IPMK: variants seen among roughly 807,000 people sequenced by gnomAD.
IPMK encodes the protein inositol polyphosphate multikinase, also known as inositol 1,3,4,6-tetrakisphosphate 5-kinase.
IPMK carries 17 observed loss-of-function variants against 45.8 expected under a neutral mutation model. The ratio of observed to expected loss-of-function variants is 0.37; its 90% CI spans 0.25 to 0.56. The LOEUF (loss-of-function observed/expected upper bound fraction) is 0.56. Among genes scored for constraint, IPMK ranks in the 20% least tolerant of loss-of-function variants. The pLI is 0.79. For synonymous variants in IPMK, 180 were observed against 184.3 expected (o/e 0.98, Z 0.19); for missense variants, 399 against 498.0 (o/e 0.80, Z 1.89).
intron 2 of IPMK, among the ~76,000 whole-genome samples, chr10:58,227,727 TC>T (rs1348547405): frequency 6.6e-6 from 1 of 151,796 alleles, no homozygotes; most frequent in Non-Finnish European, 1.5e-5. Context: ...CTCATTTAAT[TC>T]CTTGATTTGT....
At chr10:58,236,142 G>A (rs752306142) in intron 2 of IPMK, among the ~76,000 whole-genome samples, 9 of 151,838 alleles carry the variant, frequency 5.9e-5, no homozygotes, top group Non-Finnish European at 1.3e-4. Flanking sequence ...TGTTGACCAG[G>A]CTGATCTTGA....
intron 1 of IPMK, among the ~76,000 whole-genome samples, chr10:58,247,450 A>G (rs1428100121): frequency 6.6e-6 from 1 of 151,604 alleles, no homozygotes; most frequent in Non-Finnish European, 1.5e-5. Context: ...TGTGGCACAT[A>G]TACACCATGG....
In IPMK at chr10:58,195,957, A is replaced by G. The variant is rs1837886012; in HGVS notation, c.*119T>C. On this transcript the variant is annotated 3_prime_UTR_variant, in exon 6 of 6. Transcript: ENST00000373935. The stretch of plus-strand genomic sequence containing the variant: ...AGTTAACCATTCTTCCAAAAGTATA[A>G]AGACAAATAAAATGTCGACTCATAA... The G allele has an allele frequency of 1.1e-6, 1 of 948,730 alleles. No individual in the cohort carries two copies. The highest frequency in any genetic ancestry group is 1.7e-5 in the African/African-American group (1 of 60,436). The allele number at this position is 948,730 out of a possible 1,614,324, so 58.8% of individuals were successfully genotyped here.
At chr10:58,238,984 C>T (rs1005417914) in intron 1 of IPMK, among the ~76,000 whole-genome samples, 6 of 151,806 alleles carry the variant, frequency 4.0e-5, no homozygotes, top group Non-Finnish European at 8.8e-5. Context: ...TTCTACAAAA[C>T]ATTTAAAAAA....
intron 2 of IPMK, among the ~76,000 whole-genome samples, chr10:58,234,066 T>C (rs191830368): frequency 6.6e-6 from 1 of 152,258 alleles, no homozygotes; most frequent in East Asian, 1.9e-4. Context: ...CCATTCACAA[T>C]TGCTACAAAG....
Position 58,194,592 on chromosome 10 carries a change from G to A in IPMK, c.*1484C>T, listed in dbSNP as rs1837864581. ...AAGTGCCCTCAGAGAAGGCTGAGAA[G>A]GTAAAATAAACATAAAATTGTGATA... On this transcript the variant is annotated 3_prime_UTR_variant, in exon 6 of 6. Coordinates refer to ENST00000373935, the MANE Select transcript of IPMK (RefSeq NM_152230.5). The A allele has an allele frequency of 6.6e-6, 1 of 151,680 alleles. No individual in the cohort carries two copies. The highest frequency in any genetic ancestry group is 1.5e-5 in the Non-Finnish European group (1 of 67,746). 9.4% of individuals were successfully genotyped at this position (151,680 alleles called of 1,614,324 possible).
intron 4 of IPMK, among the ~76,000 whole-genome samples, chr10:58,206,294 A>G (rs959561672): frequency 2.0e-5 from 3 of 152,208 alleles, no homozygotes; most frequent in Non-Finnish European, 4.4e-5. Flanking sequence ...CCCTAGGGAC[A>G]GGGAGTTTGG....
intron 4 of IPMK, among the ~76,000 whole-genome samples, chr10:58,206,229 A>C (rs1245675947): frequency 6.6e-6 from 1 of 152,244 alleles, no homozygotes; most frequent in Non-Finnish European, 1.5e-5. Flanking sequence ...AATTTGATTT[A>C]TATGAATCGT....
chr10:58,211,652 A>AGACCAGCCT (rs1245739745), intron 4 of IPMK, among the ~76,000 whole-genome samples: 1 of 151,802 alleles, frequency 6.6e-6, no homozygotes, highest in Non-Finnish European at 1.5e-5. Context: ...CAGGAGTTCA[A>AGACCAGCCT]GACCAGCCTG....
intron 1 of IPMK, among the ~76,000 whole-genome samples, chr10:58,261,970 A>T (rs1025756526): frequency 6.6e-6 from 1 of 152,164 alleles, no homozygotes. Flanking sequence ...GGAAACCATC[A>T]TTCTGAACAA....
chr10:58,254,510 A>C (rs1447234343), intron 1 of IPMK, among the ~76,000 whole-genome samples: 1 of 152,102 alleles, frequency 6.6e-6, no homozygotes, highest in African/African-American at 2.4e-5. Context: ...AAAAATTCTA[A>C]ATTATCTTTC....
rs762583689 is a variant in IPMK at position 58,248,408 on chromosome 10, A to AT, written c.191-10595dup. On this transcript the variant is annotated intron_variant, in intron 1 of 5. Transcript: ENST00000373935. ...GCTAAAATTTCTATCTGCAGAAGGC[A>AT]TTTTCTAAATTTTTTTGATACATAA... Among the ~76,000 whole-genome samples the AT allele has an allele frequency of 1.5e-3, 225 of 151,954 alleles. 1 individual carries two copies. Among genetic ancestry groups the AT allele is most frequent in the Middle Eastern group, 3.4e-3 (1 of 294 alleles).
intron 1 of IPMK, among the ~76,000 whole-genome samples, chr10:58,239,192 T>C (rs968581060): frequency 2.7e-5 from 4 of 150,076 alleles, no homozygotes; most frequent in African/African-American, 4.9e-5. Flanking sequence ...AGATATAGAA[T>C]AGAAGGTAGG....
chr10:58,209,850 T>C (rs189333844), intron 4 of IPMK, among the ~76,000 whole-genome samples: 59 of 152,338 alleles, frequency 3.9e-4, no homozygotes, highest in Admixed American at 1.1e-3. Context: ...CATGAGTTGC[T>C]GTAATGGCCT....
At chr10:58,251,728 T>C (rs938322497) in intron 1 of IPMK, among the ~76,000 whole-genome samples, 1 of 152,230 alleles carries the variant, frequency 6.6e-6, no homozygotes, top group East Asian at 1.9e-4. Flanking sequence ...TTCACCATTA[T>C]GTAACAAATG....
chr10:58,262,499 T>C (rs957195107), intron 1 of IPMK, among the ~76,000 whole-genome samples: 9 of 152,218 alleles, frequency 5.9e-5, no homozygotes, highest in Non-Finnish European at 1.0e-4. Context: ...TTAAAAATCA[T>C]GTCCATTGAA....
chr10:58,222,064 AT>A (rs1299732655), intron 3 of IPMK, among the ~76,000 whole-genome samples: 1 of 152,022 alleles, frequency 6.6e-6, no homozygotes, highest in Non-Finnish European at 1.5e-5. Context: ...TTTAAAATTT[AT>A]TGTAGATATA....
At chr10:58,198,844 C>T (rs1042595338) in intron 5 of IPMK, among the ~76,000 whole-genome samples, 1 of 152,118 alleles carries the variant, frequency 6.6e-6, no homozygotes, top group Non-Finnish European at 1.5e-5. Flanking sequence ...AATAAAAATA[C>T]ATTAAATGCT....
chr10:58,259,533 A>G (rs1839024406), intron 1 of IPMK, among the ~76,000 whole-genome samples: 1 of 152,082 alleles, frequency 6.6e-6, no homozygotes, highest in African/African-American at 2.4e-5. Flanking sequence ...GCCAACTAAC[A>G]AATGTAATAG....
Sources: gnomAD v4.1 joint callset for allele counts (sites outside exome capture counted in the v4.1 genomes callset) on GRCh38, gnomAD v4.1.1 for gene constraint, MANE v1.5 for transcripts, NCBI Gene and HGNC (gene_info 2026-07-23, HGNC 2026-07-21) for gene names.